The following STAM variants were observed in gnomAD, a reference collection of about 807,000 sequenced individuals.
STAM encodes signal transducing adapter molecule 1.
STAM carries 16 observed loss-of-function variants against 63.4 expected under a neutral mutation model. That is an observed-to-expected ratio of 0.25 (90% CI 0.17 to 0.38). STAM has a LOEUF of 0.38. Among genes scored for constraint, STAM ranks in the 10% least tolerant of loss-of-function variants. The pLI is 1.00. For missense variants in STAM, 636 were observed against 657.1 expected, an observed-to-expected ratio of 0.97 and a Z score of 0.35; for synonymous variants, 238 against 223.9, an observed-to-expected ratio of 1.06 and a Z score of -0.56.
At chr10:17,653,816 A>T (rs1457059155) in intron 1 of STAM, among the ~76,000 whole-genome samples, 1 of 152,224 alleles carries the variant, frequency 6.6e-6, no homozygotes, top group Non-Finnish European at 1.5e-5. Context: ...ACATTTTGGT[A>T]TCTGTGGAAG....
intron 1 of STAM, among the ~76,000 whole-genome samples, chr10:17,652,387 T>A (rs1833775630): frequency 1.3e-5 from 2 of 152,212 alleles, no homozygotes; most frequent in Non-Finnish European, 2.9e-5. Context: ...CATACAAATA[T>A]GAATCAGATG....
chr10:17,687,811 C>G (rs995622278), intron 4 of STAM, among the ~76,000 whole-genome samples: 2 of 152,170 alleles, frequency 1.3e-5, no homozygotes, highest in African/African-American at 2.4e-5. Context: ...AATCTTATTA[C>G]CTATTTAATG....
chr10:17,706,581 G>A (rs893250971), intron 12 of STAM, among the ~76,000 whole-genome samples: 8 of 151,796 alleles, frequency 5.3e-5, no homozygotes, highest in African/African-American at 1.2e-4. Flanking sequence ...GGGTTTCGCC[G>A]TGTTAGCCAG....
intron 5 of STAM, 100 bp downstream of exon 5, chr10:17,688,273 CT>C: frequency 8.2e-7 from 1 of 1,219,684 alleles, no homozygotes; most frequent in Non-Finnish European, 1.1e-6. Context: ...ATTTTTACTA[CT>C]TCAGAGGAAT....
chr10:17,656,217 C>T (rs903654261), intron 1 of STAM, among the ~76,000 whole-genome samples: 21 of 150,454 alleles, frequency 1.4e-4, no homozygotes, highest in Admixed American at 2.7e-4. Flanking sequence ...TTGCTTGGAC[C>T]TGGGAGGTGG....
At chr10:17,707,396 C>G (rs1239682273) in intron 12 of STAM, among the ~76,000 whole-genome samples, 1 of 151,866 alleles carries the variant, frequency 6.6e-6, no homozygotes, top group African/African-American at 2.4e-5. Flanking sequence ...GGCGACAGAG[C>G]AAGACTCCAC....
At chr10:17,692,277 T>G (rs61842337) in intron 5 of STAM, among the ~76,000 whole-genome samples, 19,636 of 152,242 alleles carry the variant, frequency 0.13, 1,347 homozygotes, top group Middle Eastern at 0.28. Context: ...GTTATCATAA[T>G]AACAAACAAG....
At chr10:17,709,396 ATTTAG>A (rs1256697294) in intron 13 of STAM, among the ~76,000 whole-genome samples, 1 of 152,112 alleles carries the variant, frequency 6.6e-6, no homozygotes, top group Non-Finnish European at 1.5e-5. Flanking sequence ...CTGTTTTGGA[ATTTAG>A]TTTATATTAT....
At chr10:17,687,926 G>C in intron 4 of STAM, 101 bp from the exon 5 acceptor site, 1 of 1,025,240 alleles carries the variant, frequency 9.8e-7, no homozygotes, top group South Asian at 2.6e-5. Context: ...CATAACTTGT[G>C]ATTCAAAAAA....
intron 4 of STAM, among the ~76,000 whole-genome samples, chr10:17,685,390 G>A: frequency 6.6e-6 from 1 of 152,172 alleles, no homozygotes; most frequent in Non-Finnish European, 1.5e-5. Context: ...TGAACCCACA[G>A]CTGGAGTTGC....
At chr10:17,690,364 AG>A (rs1835479236) in intron 5 of STAM, among the ~76,000 whole-genome samples, 1 of 152,274 alleles carries the variant, frequency 6.6e-6, no homozygotes, top group Non-Finnish European at 1.5e-5. Context: ...GAAGAGCAAT[AG>A]TAAAGATAGG....
intron 2 of STAM, among the ~76,000 whole-genome samples, chr10:17,682,494 G>A (rs1301958772): frequency 6.6e-6 from 1 of 152,070 alleles, no homozygotes; most frequent in Non-Finnish European, 1.5e-5. Context: ...ATGGTTCTGT[G>A]ATTTCATTTG....
chr10:17,646,720 C>T (rs928649221), intron 1 of STAM, among the ~76,000 whole-genome samples: 1 of 152,158 alleles, frequency 6.6e-6, no homozygotes, highest in African/African-American at 2.4e-5. Flanking sequence ...TAAGAAGACC[C>T]CTCAGAGATT....
intron 2 of STAM, among the ~76,000 whole-genome samples, chr10:17,680,485 C>T (rs1554825208): frequency 6.6e-6 from 1 of 151,054 alleles, no homozygotes; most frequent in African/African-American, 2.4e-5. Flanking sequence ...TTCAGTGGCG[C>T]AATCGTGGCT....
At chr10:17,660,313 A>G (rs1834113595) in intron 1 of STAM, 151 bp from the exon 2 acceptor site, 2 of 494,050 alleles carry the variant, frequency 4.0e-6, no homozygotes, top group Non-Finnish European at 7.1e-6. Context: ...ACATCTTTTC[A>G]AGATGGCCAT....
Position 17,692,547 on chromosome 10 carries a change from G to A in STAM, c.445-675G>A, listed in dbSNP as rs114024290. 4.6e-3 allele frequency among the ~76,000 whole-genome samples: 694 copies of A among 152,278 alleles called. 6 individuals are homozygous for A. The highest frequency in any genetic ancestry group is 0.016 in the African/African-American group (671 of 41,556). The stretch of plus-strand genomic sequence containing the variant: ...GGTAAGATAGGCTAAATTCTGATTT[G>A]CCTTGAATGCTATGCAAAAACTGAG... On this transcript the variant is annotated intron_variant, in intron 5 of 13. Coordinates refer to ENST00000377524, the MANE Select transcript of STAM (RefSeq NM_003473.4).
intron 2 of STAM, among the ~76,000 whole-genome samples, chr10:17,669,886 T>TTC (rs1564540377): frequency 3.9e-5 from 5 of 127,236 alleles, no homozygotes; most frequent in Admixed American, 1.7e-4. Flanking sequence ...TTTCTTTTCT[T>TTC]TTTTTTTTTT....
At chr10:17,647,702 A>G (rs1554821039) in intron 1 of STAM, among the ~76,000 whole-genome samples, 1 of 152,172 alleles carries the variant, frequency 6.6e-6, no homozygotes, top group African/African-American at 2.4e-5. Flanking sequence ...TTCTTACCTC[A>G]GAGAGTTGTT....
chr10:17,682,811 G>T (rs769704343), intron 2 of STAM, among the ~76,000 whole-genome samples: 1 of 151,936 alleles, frequency 6.6e-6, no homozygotes, highest in Non-Finnish European at 1.5e-5. Flanking sequence ...TTTTTTTCTT[G>T]TGTTATCAAG....
Sources: gnomAD v4.1 joint callset for allele counts (sites outside exome capture counted in the v4.1 genomes callset) on GRCh38, gnomAD v4.1.1 for gene constraint, MANE v1.5 for transcripts, NCBI Gene and HGNC (gene_info 2026-07-23, HGNC 2026-07-21) for gene names.